The following INSC variants were observed in gnomAD, a reference collection of about 807,000 sequenced individuals.
INSC encodes the protein INSC spindle orientation adaptor protein, also known as protein inscuteable homolog.
In INSC, 67 loss-of-function variants were observed where a neutral mutation model predicts 58.6. The ratio of observed to expected loss-of-function variants is 1.14; its 90% CI spans 0.94 to 1.40. The LOEUF is 1.40. INSC is among the 40% of genes most tolerant of loss of function. The pLI, the probability that INSC is intolerant of heterozygous loss-of-function variation, is 0.00. For missense variants in INSC, 714 were observed against 692.0 expected, an observed-to-expected ratio of 1.03 and a Z score of -0.36; for synonymous variants, 262 against 276.1, an observed-to-expected ratio of 0.95 and a Z score of 0.51.
chr11:15,169,022 T>G (rs1160793008), intron 2 of INSC, among the ~76,000 whole-genome samples: 1 of 152,180 alleles, frequency 6.6e-6, no homozygotes, highest in Non-Finnish European at 1.5e-5. Context: ...CTTCCTACCC[T>G]TATGCCAGTG....
At chr11:15,178,489 C>T in intron 5 of INSC, 42 bp downstream of exon 5, 1 of 1,587,880 alleles carries the variant, frequency 6.3e-7, no homozygotes, top group East Asian at 2.2e-5. Flanking sequence ...CTTGTGTGGA[C>T]CCTTGGAGGA....
chr11:15,129,466 C>T (rs1348236999), intron 1 of INSC, among the ~76,000 whole-genome samples: 2 of 152,148 alleles, frequency 1.3e-5, no homozygotes, highest in Non-Finnish European at 2.9e-5. Context: ...ATATTTAGAT[C>T]CGTTTATGGC....
At chr11:15,241,588 G>A (rs1016746572) in intron 12 of INSC, 51 of 702,818 alleles carry the variant, frequency 7.3e-5, no homozygotes, top group Non-Finnish European at 1.1e-4. Flanking sequence ...ACAGCTGCAG[G>A]TAAAAAAGAC....
chr11:15,171,430 C>T (rs550258378), intron 2 of INSC, among the ~76,000 whole-genome samples: 47 of 152,314 alleles, frequency 3.1e-4, no homozygotes, highest in Non-Finnish European at 3.7e-4. Context: ...CTTGGTGTAC[C>T]TTTCTGGCTT....
chr11:15,172,926 A>G (rs1032349350), intron 2 of INSC, among the ~76,000 whole-genome samples: 2 of 152,182 alleles, frequency 1.3e-5, no homozygotes, highest in Non-Finnish European at 2.9e-5. Flanking sequence ...CAACTGAAGG[A>G]TTTAAGCAGG....
chr11:15,159,524 C>T (rs1848940593), intron 2 of INSC, among the ~76,000 whole-genome samples: 2 of 152,118 alleles, frequency 1.3e-5, no homozygotes. Flanking sequence ...TCATGACAAA[C>T]AATGGGAATA....
intron 12 of INSC, chr11:15,241,590 A>G (rs1170651099): frequency 4.3e-6 from 3 of 702,820 alleles, no homozygotes; most frequent in Admixed American, 4.0e-5. Context: ...AGCTGCAGGT[A>G]AAAAAGACAA....
rs1848106967 is a variant in INSC, at chr11:15,130,770, AT to A, written c.-46+15771del. Among the ~76,000 whole-genome samples the A allele has an allele frequency of 5.9e-5, 9 of 152,104 alleles. 1 individual carries two copies. The South Asian group carries it at 1.9e-3, about 31-fold the overall frequency. ...TATAGATCTATTTTTTCTTGAATCA[AT>A]TTTGGTAAATTTTATTTTCTAGGAA... On this transcript the variant is annotated intron_variant, in intron 1 of 12. Coordinates refer to ENST00000379556, the MANE Select transcript of INSC (RefSeq NM_001042536.3).
At chr11:15,266,554 A>G in the INSC span, among the ~76,000 whole-genome samples, 1 of 152,020 alleles carries the variant, frequency 6.6e-6, no homozygotes, top group African/African-American at 2.4e-5. Flanking sequence ...CTTGGCTACT[A>G]TAGCAGACTA....
At chr11:15,170,836 A>G (rs776128420) in intron 2 of INSC, among the ~76,000 whole-genome samples, 3 of 152,176 alleles carry the variant, frequency 2.0e-5, no homozygotes, top group Non-Finnish European at 4.4e-5. Context: ...GCATCCAGAT[A>G]ATATAGACAG....
intron 5 of INSC, among the ~76,000 whole-genome samples, chr11:15,180,857 T>A (rs1260834043): frequency 6.6e-6 from 1 of 152,188 alleles, no homozygotes; most frequent in Non-Finnish European, 1.5e-5. Context: ...CATAATATAT[T>A]TTTGGCTGAT....
rs1484398263 is a variant in INSC at position 15,190,792 on chromosome 11, C to T, written c.671C>T (p.Pro224Leu). 1 of 1,613,318 alleles carries T rather than the reference C, an allele frequency of 6.2e-7. No individual in the cohort carries two copies. The highest frequency in any genetic ancestry group is 8.5e-7 in the Non-Finnish European group (1 of 1,179,430). The change falls in exon 6 of 13, where the codon CCC becomes CTC. Residue 224 changes from proline to leucine, a missense_variant. Coordinates refer to ENST00000379556, the MANE Select transcript of INSC (RefSeq NM_001042536.3). ...TTCAGCCTGACCCAGGAGGGGGCTCCCTTGTGCCGCATCATAGCCAAGGTG... is the reference window on the plus strand; with the variant it reads ...TTCAGCCTGACCCAGGAGGGGGCTCTCTTGTGCCGCATCATAGCCAAGGTG... ...NLFSLTQEGA[P>L]LCRIIAKEGG...
rs1295304666 is a variant in INSC, at chr11:15,225,642, C to A, written c.992-8C>A. On this transcript the variant is annotated splice_region_variant and splice_polypyrimidine_tract_variant and intron_variant, in intron 8 of 12. Transcript: ENST00000379556. Reference sequence around the variant, plus strand: ...ACGGAAGTTATTTTCTTTCTCTTTGCCATCCAGAACTGTGCCAAGAGGCCT... The same window carrying A: ...ACGGAAGTTATTTTCTTTCTCTTTGACATCCAGAACTGTGCCAAGAGGCCT... 1.2e-6 allele frequency: 2 copies of A among 1,604,926 alleles called. No individual in the cohort carries two copies. Among genetic ancestry groups the A allele is most frequent in the African/African-American group, 1.3e-5 (1 of 74,500 alleles).
chr11:15,165,068 C>T (rs986163716), intron 2 of INSC, among the ~76,000 whole-genome samples: 7 of 152,158 alleles, frequency 4.6e-5, no homozygotes, highest in Admixed American at 1.3e-4. Flanking sequence ...GCAGGTCTTA[C>T]AGCTGTTGGT....
chr11:15,183,579 G>A (rs1388254040), intron 5 of INSC, among the ~76,000 whole-genome samples: 2 of 152,100 alleles, frequency 1.3e-5, no homozygotes, highest in African/African-American at 4.8e-5. Flanking sequence ...AGCAAAGAGA[G>A]CACTGGTAGG....
At chr11:15,122,118 G>A (rs1847888475) in intron 1 of INSC, among the ~76,000 whole-genome samples, 1 of 152,150 alleles carries the variant, frequency 6.6e-6, no homozygotes, top group South Asian at 2.1e-4. Flanking sequence ...AGCAAACAGA[G>A]TTAGGACATA....
upstream of INSC, chr11:15,112,534 G>A: frequency 2.5e-6 from 4 of 1,610,232 alleles, no homozygotes; most frequent in Non-Finnish European, 2.5e-6. Flanking sequence ...GGTCTATGGG[G>A]AGTCCAGGAG....
chr11:15,218,089 T>C lies in INSC; in HGVS notation c.820-3388T>C, dbSNP rs545979640. Among the ~76,000 whole-genome samples, 4 of 152,286 alleles carry C rather than the reference T, an allele frequency of 2.6e-5. No individual in the cohort carries two copies. The South Asian group carries it at 8.3e-4, about 32-fold the overall frequency. On this transcript the variant is annotated intron_variant, in intron 7 of 12. Transcript: ENST00000379556. ...CAGAAGACATTTAGAAGAATATTTA[T>C]AGCAGCACTGTCCATTATAGCAAAA... is the stretch of plus-strand genomic sequence containing the variant.
At chr11:15,114,405 C>T (rs920749266), upstream of INSC, among the ~76,000 whole-genome samples, 1 of 152,120 alleles carries the variant, frequency 6.6e-6, no homozygotes, top group Non-Finnish European at 1.5e-5. Flanking sequence ...GTGAATAAAC[C>T]GTCTCATTCT....
Sources: allele counts gnomAD v4.1 joint callset (sites outside exome capture counted in the v4.1 genomes callset), GRCh38; gene constraint gnomAD v4.1.1; transcripts MANE v1.5; gene names NCBI Gene and HGNC (gene_info 2026-07-23, HGNC 2026-07-21).